GRM5: variants seen among roughly 807,000 people sequenced by gnomAD.
GRM5 encodes the protein glutamate metabotropic receptor 5.
A neutral mutation model predicts 83.1 loss-of-function variants in GRM5; 19 were observed. That is an observed-to-expected ratio of 0.23 (90% CI 0.16 to 0.34). The LOEUF is 0.34. Ranked by LOEUF, GRM5 falls within the 10% of genes least tolerant of loss-of-function variation. The pLI, the probability that GRM5 is intolerant of heterozygous loss-of-function variation, is 1.00. For synonymous variants in GRM5, 675 were observed against 633.6 expected (o/e 1.07, Z -0.98); for missense variants, 1,160 against 1,588.3 (o/e 0.73, Z 4.58).
intron 2 of GRM5, among the ~76,000 whole-genome samples, chr11:88,859,871 T>C (rs1275451536): frequency 3.3e-5 from 5 of 152,210 alleles, no homozygotes; most frequent in African/African-American, 1.2e-4. Context: ...TAGCACTAAA[T>C]GATTCAGTCC....
chr11:88,563,496 C>T (rs947118073), intron 8 of GRM5, among the ~76,000 whole-genome samples: 4 of 152,146 alleles, frequency 2.6e-5, no homozygotes, highest in Admixed American at 6.6e-5. Context: ...CACACACGAC[C>T]CCATCCAGAA....
intron 2 of GRM5, among the ~76,000 whole-genome samples, chr11:88,968,469 A>G (rs1371788289): frequency 2.6e-5 from 4 of 152,070 alleles, no homozygotes; most frequent in African/African-American, 9.7e-5. Context: ...GATTACTTGA[A>G]GCTGGAAGCT....
intron 2 of GRM5, among the ~76,000 whole-genome samples, chr11:88,873,754 G>A (rs1939089): frequency 6.6e-6 from 1 of 151,626 alleles, no homozygotes; most frequent in African/African-American, 2.4e-5. Flanking sequence ...ACTTATATCA[G>A]AAATGTAGAA....
At chr11:88,686,819 ACCT>A (rs1940635648) in intron 3 of GRM5, among the ~76,000 whole-genome samples, 1 of 151,818 alleles carries the variant, frequency 6.6e-6, no homozygotes, top group Non-Finnish European at 1.5e-5. Context: ...GTCATGTGGA[ACCT>A]CCTTTTCTTC....
intron 2 of GRM5, among the ~76,000 whole-genome samples, chr11:88,893,075 G>A (rs1945174229): frequency 6.6e-6 from 1 of 151,058 alleles, no homozygotes; most frequent in Admixed American, 6.6e-5. Context: ...TGGAATATCA[G>A]ACAGAGAGTT....
At chr11:88,804,373 C>T (rs1174826307) in intron 3 of GRM5, among the ~76,000 whole-genome samples, 2 of 149,034 alleles carry the variant, frequency 1.3e-5, no homozygotes, top group Non-Finnish European at 3.0e-5. Flanking sequence ...ATGATGAGTT[C>T]ATGTCCTTTG....
chr11:88,566,424 A>G (rs1004119484), intron 8 of GRM5, among the ~76,000 whole-genome samples: 1 of 152,202 alleles, frequency 6.6e-6, no homozygotes, highest in Admixed American at 6.5e-5. Flanking sequence ...TATAGGCAAC[A>G]AAGAATTGGG....
intron 3 of GRM5, among the ~76,000 whole-genome samples, chr11:88,687,800 A>G (rs1940685659): frequency 6.7e-6 from 1 of 150,282 alleles, no homozygotes; most frequent in Admixed American, 6.7e-5. Flanking sequence ...ACTATTTATT[A>G]GTGTTACTAA....
intron 2 of GRM5, among the ~76,000 whole-genome samples, chr11:88,986,698 T>G (rs1042115900): frequency 6.6e-6 from 1 of 151,278 alleles, no homozygotes. Context: ...GAAATTTTGG[T>G]TTAATATAGT....
chr11:89,025,100 C>G (rs925629720), intron 2 of GRM5, among the ~76,000 whole-genome samples: 4 of 152,090 alleles, frequency 2.6e-5, no homozygotes, highest in African/African-American at 9.7e-5. Context: ...TTCATTTTTT[C>G]TTCTGTATCT....
chr11:88,520,319 T>G (rs1012763296), intron 9 of GRM5, among the ~76,000 whole-genome samples: 5 of 152,198 alleles, frequency 3.3e-5, no homozygotes, highest in Non-Finnish European at 7.4e-5. Flanking sequence ...TTCTAATCTA[T>G]TCTCAAAAAC....
chr11:88,629,257 G>T (rs1938891670), intron 4 of GRM5, among the ~76,000 whole-genome samples: 1 of 152,110 alleles, frequency 6.6e-6, no homozygotes, highest in African/African-American at 2.4e-5. Context: ...ACCTTCTTTA[G>T]TAGAATTCCA....
chr11:88,964,589 T>C (rs1346351581), intron 2 of GRM5, among the ~76,000 whole-genome samples: 11 of 152,038 alleles, frequency 7.2e-5, no homozygotes, highest in African/African-American at 1.4e-4. Context: ...AAGTGAAACA[T>C]AGTAATTTTC....
intron 2 of GRM5, among the ~76,000 whole-genome samples, chr11:88,941,778 G>T (rs906613423): frequency 3.3e-5 from 5 of 151,834 alleles, no homozygotes; most frequent in Non-Finnish European, 7.4e-5. Flanking sequence ...CCAAATAATG[G>T]CACATATATA....
chr11:88,596,252 C>T (rs1937801860), intron 6 of GRM5, among the ~76,000 whole-genome samples: 1 of 152,116 alleles, frequency 6.6e-6, no homozygotes, highest in Admixed American at 6.5e-5. Context: ...TCTTCTGGCC[C>T]CTTTTCATTC....
intron 3 of GRM5, among the ~76,000 whole-genome samples, chr11:88,833,681 A>T (rs1017408851): frequency 6.6e-6 from 1 of 152,248 alleles, no homozygotes; most frequent in African/African-American, 2.4e-5. Context: ...TGTTTATTAC[A>T]GCACTATTCA....
intron 2 of GRM5, among the ~76,000 whole-genome samples, chr11:88,964,570 T>C (rs866445728): frequency 5.9e-5 from 9 of 152,094 alleles, no homozygotes; most frequent in Middle Eastern, 3.2e-3. Flanking sequence ...GACAGACACC[T>C]GCAGGGAGAA....
intron 2 of GRM5, among the ~76,000 whole-genome samples, chr11:89,042,595 G>A (rs1941559181): frequency 6.6e-6 from 1 of 152,058 alleles, no homozygotes; most frequent in Admixed American, 6.6e-5. Flanking sequence ...TTCAATTCCT[G>A]GAGAAACAAA....
chr11:88,629,885 T>G (rs1205370940), intron 4 of GRM5, among the ~76,000 whole-genome samples: 1 of 152,212 alleles, frequency 6.6e-6, no homozygotes, highest in Non-Finnish European at 1.5e-5. Context: ...AAAGCCAAAG[T>G]CAGCACAGTG....
Sources: allele counts gnomAD v4.1 joint callset (sites outside exome capture counted in the v4.1 genomes callset), GRCh38; gene constraint gnomAD v4.1.1; transcripts MANE v1.5; gene names NCBI Gene and HGNC (gene_info 2026-07-23, HGNC 2026-07-21).